Variants in NACAD observed in about 807,000 individuals in gnomAD.
NACAD encodes the protein NAC alpha domain containing, also known as NAC-alpha domain-containing protein 1.
NACAD carries 47 observed loss-of-function variants against 98.9 expected under a neutral mutation model. The observed-to-expected ratio is 0.48, with a 90% CI of 0.38 to 0.61. The LOEUF (loss-of-function observed/expected upper bound fraction) is 0.61. Ranked by LOEUF, NACAD falls within the 20% of genes least tolerant of loss-of-function variation. NACAD has a pLI of 0.00. For synonymous variants in NACAD, 696 were observed against 767.2 expected, an observed-to-expected ratio of 0.91 and a Z score of 1.53; for missense variants, 1,412 against 1,748.2, an observed-to-expected ratio of 0.81 and a Z score of 3.43.
chr7:45,088,946 C>T lies in NACAD; in HGVS notation c.-52G>A. The T allele has an allele frequency of 7.9e-7, 1 of 1,272,704 alleles. No individual in the cohort carries two copies. 78.8% of individuals were successfully genotyped at this position (1,272,704 alleles called of 1,614,324 possible). A position where few individuals can be genotyped will look rare whatever the true frequency, so the allele number is the denominator to read the frequency against. ...TCAGTCCTTCCGACCCTCCGTCAGT[C>T]CGTGCCGCCGCCCCGCCGAGCCTGC... is the stretch of plus-strand genomic sequence containing the variant. On this transcript the variant is annotated 5_prime_UTR_variant, in exon 1 of 8. Coordinates refer to ENST00000490531, the MANE Select transcript of NACAD (RefSeq NM_001146334.2). This position sits in a 1 kb window ranked among gnomAD's most constrained non-coding sequence, Gnocchi z 5.7.
chr7:45,082,031 T>C lies in NACAD; in HGVS notation c.4072+77A>G. ...CCCCACCTCGCCACCTCAGAGGCCCTCCAGCTCAGGACAGCTCTAAGGAGG... is the reference window on the plus strand; with the variant it reads ...CCCCACCTCGCCACCTCAGAGGCCCCCCAGCTCAGGACAGCTCTAAGGAGG... On this transcript the variant is annotated intron_variant, in intron 2 of 7. Transcript: ENST00000490531. The surrounding 1 kb of genome is among the most constrained non-coding windows in gnomAD (Gnocchi z 4.5). 1 of 1,467,356 alleles carries C rather than the reference T, an allele frequency of 6.8e-7. No individual in the cohort carries two copies. The highest frequency in any genetic ancestry group is 9.0e-7 in the Non-Finnish European group (1 of 1,107,718). 90.9% of individuals were successfully genotyped at this position (1,467,356 alleles called of 1,614,324 possible).
Position 45,085,163 on chromosome 7 carries a change from C to A in NACAD, c.1017G>T (p.Val339=). The change falls in exon 2 of 8, where the codon GTG becomes GTT. Residue 339 remains valine (V), a synonymous_variant. Coordinates refer to ENST00000490531, the MANE Select transcript of NACAD (RefSeq NM_001146334.2). The surrounding 1 kb of genome is among the most constrained non-coding windows in gnomAD (Gnocchi z 6.1). ...LSPEEEEEEA[V]ADPDPGGDLA... is the part of the protein sequence containing the mutation. ...GGTCCCCACCTGGGTCGGGATCCGC[C>A]ACAGCCTCCTCTTCTTCTTCCTCTG... 1 of 1,550,704 alleles carries A rather than the reference C, an allele frequency of 6.4e-7. No individual in the cohort carries two copies.
In NACAD at chr7:45,084,427, T is replaced by C. The variant is rs1300978649; in HGVS notation, c.1753A>G (p.Ile585Val). ...TCCTCTTTAGCCTGCCTGGGGACAA[T>C]CGTGGCTGCAGCTACAGGCTTTCTG... ...SGRKPVAAAT[I>V]VPRQAKEDLT... The change falls in exon 2 of 8, where the codon ATT (isoleucine) becomes GTT (valine). Residue 585 changes from isoleucine (I) to valine (V), a missense_variant. Physicochemically the swap from Ile to Val is conservative, Grantham distance 29. This residue lies in a region of NACAD where 72 missense variants were observed against 198.0 expected (regional missense o/e 0.36). Coordinates refer to ENST00000490531, the MANE Select transcript of NACAD (RefSeq NM_001146334.2). 2.6e-6 allele frequency: 4 copies of C among 1,551,346 alleles called. No individual in the cohort carries two copies. The East Asian group carries it at 9.8e-5, about 38-fold the overall frequency.
At chr7:45,080,821 C>T in intron 6 of NACAD, 55 bp downstream of exon 6, 1 of 1,549,340 alleles carries the variant, frequency 6.5e-7, no homozygotes, top group Non-Finnish European at 8.7e-7. Flanking sequence ...GGGCAGAGCC[C>T]CCATGTAGCG....
In NACAD at chr7:45,083,160, G is replaced by A. The variant is rs1313671332; in HGVS notation, c.3020C>T (p.Ala1007Val). ...QVQQDDPQPA[A>V]EAGTPWAAQE... ...TGCGGCCCAAGGTGTCCCAGCTTCT[G>A]CAGCTGGCTGTGGGTCATCCTGTTG... Residue 1007 changes from alanine (A) to valine (V), a missense_variant, in exon 2 of 8, where the codon GCA becomes GTA. By Grantham distance (64) the Ala-to-Val change is moderately conservative. Transcript: ENST00000490531. 1 of 1,550,852 alleles carries A rather than the reference G, an allele frequency of 6.4e-7. No homozygotes were observed. The highest frequency in any genetic ancestry group is 8.7e-7 in the Non-Finnish European group (1 of 1,146,994).
chr7:45,085,868 A>C lies in NACAD; in HGVS notation c.312T>G (p.Ala104=), dbSNP rs1419177731. Residue 104 remains alanine (A), a synonymous_variant, in exon 2 of 8, where the codon GCT becomes GCG. Coordinates refer to ENST00000490531, the MANE Select transcript of NACAD (RefSeq NM_001146334.2). The surrounding 1 kb of genome is among the most constrained non-coding windows in gnomAD (Gnocchi z 6.1). ...MLLPEGLSSQ[A]LSTEAPLPAT... ...CCGGGAGAGGAGCCTCCGTGGACAG[A>C]GCCTGGGAAGACAGGCCCTCAGGGA... The C allele has an allele frequency of 6.5e-7, 1 of 1,547,100 alleles. No homozygotes were observed. The highest frequency in any genetic ancestry group is 1.2e-5 in the South Asian group (1 of 83,662).
At chr7:45,087,236 G>A (rs1232594935) in intron 1 of NACAD, among the ~76,000 whole-genome samples, 1 of 152,320 alleles carries the variant, frequency 6.6e-6, no homozygotes, top group Middle Eastern at 3.4e-3. Context: ...TATCACAGGC[G>A]AGATCACATT....
At chr7:45,080,799 T>C (rs1181607811) in intron 6 of NACAD, 37 bp from the exon 7 acceptor site, 3 of 1,549,928 alleles carry the variant, frequency 1.9e-6, no homozygotes, top group East Asian at 2.4e-5. Context: ...CTGGAGCTGC[T>C]TGAGGTCCCT....
chr7:45,083,091 A>G lies in NACAD; in HGVS notation c.3089T>C (p.Leu1030Pro). The G allele has an allele frequency of 6.4e-7, 1 of 1,550,776 alleles. No homozygotes were observed. Among genetic ancestry groups the G allele is most frequent in the Middle Eastern group, 1.7e-4 (1 of 5,992 alleles). The change falls in exon 2 of 8, where the codon CTC becomes CCC. Residue 1030 changes from leucine to proline, a missense_variant. By Grantham distance (98) the Leu-to-Pro change is moderately conservative. Around this residue, in one of 5 missense-constraint regions of NACAD, gnomAD observed 572 missense variants for 639.6 expected, o/e 0.89. Coordinates refer to ENST00000490531, the MANE Select transcript of NACAD (RefSeq NM_001146334.2). ...DSTLGMEALS[L>P]PEPASGAGEE... The stretch of plus-strand genomic sequence containing the variant: ...CCCAGCACCAGAGGCCGGCTCAGGG[A>G]GACTGAGGGCCTCCATGCCCAAAGT...
At position 45,081,282 on chromosome 7, in the gene NACAD, G is replaced by A. The variant is rs772580186; in HGVS notation, c.4258-19C>T. The A allele has an allele frequency of 1.1e-4, 176 of 1,549,850 alleles. No individual in the cohort carries two copies. Among genetic ancestry groups the A allele is most frequent in the Non-Finnish European group, 1.5e-4 (170 of 1,146,536 alleles). On this transcript the variant is annotated intron_variant, in intron 4 of 7. Transcript: ENST00000490531. ...ACATTGCCTGGGAGTAGAGGGCAGAGGGGGGCTCAGACCTGGTGTTGACCC... is the reference window on the plus strand; with the variant it reads ...ACATTGCCTGGGAGTAGAGGGCAGAAGGGGGCTCAGACCTGGTGTTGACCC...
Position 45,082,439 on chromosome 7 carries a change from G to A in NACAD, c.3741C>T (p.Ala1247=). ...GAALPPLEPP[A]PCLCQDPQED... ...CCTGGGGGTCCTGGCACAGGCAGGG[G>A]GCTGGGGGCTCCAGTGGGGGTAGGG... The change falls in exon 2 of 8, where the codon GCC becomes GCT. Residue 1247 remains alanine (A), a synonymous_variant. Coordinates refer to ENST00000490531, the MANE Select transcript of NACAD (RefSeq NM_001146334.2). The surrounding 1 kb of genome is among the most constrained non-coding windows in gnomAD (Gnocchi z 4.5). The A allele has an allele frequency of 6.5e-7, 1 of 1,549,030 alleles. No individual in the cohort carries two copies. The highest frequency in any genetic ancestry group is 8.7e-7 in the Non-Finnish European group (1 of 1,146,608).
In NACAD at chr7:45,088,948, G is replaced by A; in HGVS notation, c.-54C>T. ...AGTCCTTCCGACCCTCCGTCAGTCC[G>A]TGCCGCCGCCCCGCCGAGCCTGCGC... On this transcript the variant is annotated 5_prime_UTR_variant, in exon 1 of 8. It adds an upstream start codon to the 5' untranslated region. Transcript: ENST00000490531. The surrounding 1 kb of genome is among the most constrained non-coding windows in gnomAD (Gnocchi z 5.7). 2 of 1,268,820 alleles carry A rather than the reference G, an allele frequency of 1.6e-6. No homozygotes were observed. Among genetic ancestry groups the A allele is most frequent in the Non-Finnish European group, 2.0e-6 (2 of 1,004,194 alleles). The allele number at this position is 1,268,820 out of a possible 1,614,324, so 78.6% of individuals were successfully genotyped here.
rs1273636280 is a variant in NACAD at position 45,082,520 on chromosome 7, G to T, written c.3660C>A (p.Pro1220=). Reference sequence around the variant, plus strand: ...GGTCAGGGCCCAGGGGCCTGTCCACGGGCGTGCTGGGCTGACCCTTGGCAA... The same window carrying T: ...GGTCAGGGCCCAGGGGCCTGTCCACTGGCGTGCTGGGCTGACCCTTGGCAA... ...ENLAKGQPST[P]VDRPLGPDPS... Residue 1220 remains proline (P), a synonymous_variant, in exon 2 of 8, where the codon CCC becomes CCA. Coordinates refer to ENST00000490531, the MANE Select transcript of NACAD (RefSeq NM_001146334.2). The surrounding 1 kb of genome is among the most constrained non-coding windows in gnomAD (Gnocchi z 4.5). 2 of 1,549,454 alleles carry T rather than the reference G, an allele frequency of 1.3e-6. No homozygotes were observed. Among genetic ancestry groups the T allele is most frequent in the Admixed American group, 3.9e-5 (2 of 50,926 alleles).
chr7:45,082,367 T>C lies in NACAD; in HGVS notation c.3813A>G (p.Pro1271=), dbSNP rs1391534875. The change falls in exon 2 of 8, where the codon CCA becomes CCG. Residue 1271 remains proline (P), a synonymous_variant. Transcript: ENST00000490531. The surrounding 1 kb of genome is among the most constrained non-coding windows in gnomAD (Gnocchi z 4.5). ...CAGGCTGGACTCCTGCCTGGGGCGG[T>C]GGGAGGCCCAGAGAGCCTGGGGGCT... is the stretch of plus-strand genomic sequence containing the variant. The part of the protein sequence containing the change: ...DEEPPGSLGL[P]PPQAGVQPAA... 5 of 1,549,828 alleles carry C rather than the reference T, an allele frequency of 3.2e-6. No individual in the cohort carries two copies. In the East Asian group the frequency reaches 7.3e-5, roughly 23 times the overall value.
At chr7:45,081,071 C>A in intron 5 of NACAD, 46 bp downstream of exon 5, 2 of 1,550,966 alleles carry the variant, frequency 1.3e-6, no homozygotes, top group Non-Finnish European at 1.7e-6. Flanking sequence ...CCCCCCTTGT[C>A]CCCTATCCCT....
rs915831761 is a variant in NACAD, at chr7:45,088,083, C to T, written c.67+745G>A. ...CAGCAGTGGTCCCATCTCTGGGTGA[C>T]TTCTTGCCCACAGCAAGGTGCCCTT... On this transcript the variant is annotated intron_variant, in intron 1 of 7. Transcript: ENST00000490531. The surrounding 1 kb of genome is among the most constrained non-coding windows in gnomAD (Gnocchi z 5.7). Among the ~76,000 whole-genome samples, 2 of 152,208 alleles carry T rather than the reference C, an allele frequency of 1.3e-5. No individual in the cohort carries two copies. The highest frequency in any genetic ancestry group is 4.8e-5 in the African/African-American group (2 of 41,460).
At position 45,085,015 on chromosome 7, in the gene NACAD, A is replaced by C. The variant is rs1181765093; in HGVS notation, c.1165T>G (p.Ser389Ala). Residue 389 changes from serine to alanine, a missense_variant, in exon 2 of 8, where the codon TCT becomes GCT. Around this residue, in one of 5 missense-constraint regions of NACAD, gnomAD observed 638 missense variants for 722.7 expected, o/e 0.88. Coordinates refer to ENST00000490531, the MANE Select transcript of NACAD (RefSeq NM_001146334.2). The surrounding 1 kb of genome is among the most constrained non-coding windows in gnomAD (Gnocchi z 6.1). ...AFRDDTSAAS[S>A]DSDSASYAEA... ...GCGTAGGAGGCTGAGTCTGAATCAG[A>C]GGAGGCTGCAGAGGTGTCGTCCCGG... is the stretch of plus-strand genomic sequence containing the variant. 5.8e-6 allele frequency: 9 copies of C among 1,550,780 alleles called. No homozygotes were observed. The highest frequency in any genetic ancestry group is 7.8e-6 in the Non-Finnish European group (9 of 1,146,874).
In NACAD at chr7:45,083,020, G is replaced by A; in HGVS notation, c.3160C>T (p.Leu1054=). The A allele has an allele frequency of 4.5e-6, 7 of 1,550,938 alleles. No homozygotes were observed. The highest frequency in any genetic ancestry group is 5.2e-6 in the Non-Finnish European group (6 of 1,146,998). The change falls in exon 2 of 8, where the codon CTG becomes TTG. Residue 1054 remains leucine (L), a synonymous_variant. Transcript: ENST00000490531. ...ALSRPGREAC[L]EARAHTGDGA... ...TCACCTGTGTGCGCTCGCGCTTCCAGACATGCTTCCCGTCCAGGCCTAGAA... is the reference window on the plus strand; with the variant it reads ...TCACCTGTGTGCGCTCGCGCTTCCAAACATGCTTCCCGTCCAGGCCTAGAA...
At position 45,088,338 on chromosome 7, in the gene NACAD, G is replaced by T. The variant is rs900738994; in HGVS notation, c.67+490C>A. ...CCTGGCCCTCCATCCGGGCTTCCTAGGCTCTGGCCAGTCCTGCTCCTCCCT... is the reference window on the plus strand; with the variant it reads ...CCTGGCCCTCCATCCGGGCTTCCTATGCTCTGGCCAGTCCTGCTCCTCCCT... On this transcript the variant is annotated intron_variant, in intron 1 of 7. Coordinates refer to ENST00000490531, the MANE Select transcript of NACAD (RefSeq NM_001146334.2). The surrounding 1 kb of genome is among the most constrained non-coding windows in gnomAD (Gnocchi z 5.7). 6.6e-6 allele frequency among the ~76,000 whole-genome samples: 1 copy of T among 152,162 alleles called. No individual in the cohort carries two copies. Among genetic ancestry groups the T allele is most frequent in the Non-Finnish European group, 1.5e-5 (1 of 68,016 alleles).
Sources: gnomAD v4.1 joint callset for allele counts (sites outside exome capture counted in the v4.1 genomes callset) on GRCh38, gnomAD v4.1.1 for gene constraint, gnomAD v4.1.1 regional missense constraint, Gnocchi (gnomAD v3.1) non-coding constraint, MANE v1.5 for transcripts, NCBI Gene and HGNC (gene_info 2026-07-23, HGNC 2026-07-21) for gene names.